SPIDR: variants seen among roughly 807,000 people sequenced by gnomAD.
The protein encoded by SPIDR is DNA repair-scaffolding protein.
In SPIDR, 93 loss-of-function variants were observed where a neutral mutation model predicts 104.6. The observed-to-expected ratio is 0.89, with a 90% CI of 0.75 to 1.06. SPIDR has a LOEUF of 1.06. SPIDR is among the 50% of genes least tolerant of loss of function. The pLI is 0.00. For synonymous variants in SPIDR, 431 were observed against 416.9 expected (o/e 1.03, Z -0.41); for missense variants, 1,154 against 1,111.2 (o/e 1.04, Z -0.55).
chr8:47,264,359 G>A (rs1017806887), intron 1 of SPIDR, among the ~76,000 whole-genome samples: 8 of 152,184 alleles, frequency 5.3e-5, no homozygotes, highest in South Asian at 4.2e-4. Flanking sequence ...ACTGATGTTA[G>A]GATATATAGA....
At chr8:47,688,218 C>T (rs1440542115) in intron 11 of SPIDR, among the ~76,000 whole-genome samples, 1 of 152,164 alleles carries the variant, frequency 6.6e-6, no homozygotes, top group African/African-American at 2.4e-5. Context: ...CAAGCCCCGC[C>T]TCCTGGATTC....
intron 10 of SPIDR, among the ~76,000 whole-genome samples, chr8:47,621,394 G>A (rs2065152151): frequency 6.6e-6 from 1 of 152,158 alleles, no homozygotes; most frequent in South Asian, 2.1e-4. Context: ...AATCATCTGG[G>A]CATGTCATGT....
chr8:47,581,699 C>T (rs1334496178), intron 8 of SPIDR, among the ~76,000 whole-genome samples: 1 of 152,028 alleles, frequency 6.6e-6, no homozygotes, highest in Non-Finnish European at 1.5e-5. Flanking sequence ...TTTCTGACAA[C>T]TTCAGTTCTC....
chr8:47,309,098 T>C (rs2043649524), intron 5 of SPIDR, among the ~76,000 whole-genome samples: 1 of 152,226 alleles, frequency 6.6e-6, no homozygotes, highest in African/African-American at 2.4e-5. Context: ...AAGTTACCTA[T>C]AGTTGAAAGA....
At chr8:47,595,132 T>C (rs1267703897) in intron 8 of SPIDR, among the ~76,000 whole-genome samples, 9 of 152,218 alleles carry the variant, frequency 5.9e-5, no homozygotes, top group Non-Finnish European at 1.2e-4. Flanking sequence ...TTACTTTACA[T>C]ATAATATCAG....
intron 8 of SPIDR, among the ~76,000 whole-genome samples, chr8:47,448,895 G>C (rs926185002): frequency 6.6e-6 from 1 of 152,172 alleles, no homozygotes; most frequent in Admixed American, 6.5e-5. Flanking sequence ...GTAGTGCTTT[G>C]TGTACGAAGT....
In SPIDR at chr8:47,504,254, C is replaced by T. The variant is rs563910029; in HGVS notation, c.1097+63712C>T. The stretch of plus-strand genomic sequence containing the variant: ...TTTTCCAGCTTGGTTCCATTCTCCT[C>T]GTCACTTTGAGGTACACCAGTCAGA... On this transcript the variant is annotated intron_variant, in intron 8 of 19. Coordinates refer to ENST00000297423, the MANE Select transcript of SPIDR (RefSeq NM_001080394.4). Among the ~76,000 whole-genome samples, 5 of 152,314 alleles carry T rather than the reference C, an allele frequency of 3.3e-5. No homozygotes were observed. The East Asian group carries it at 5.8e-4, about 18-fold the overall frequency.
At chr8:47,397,649 G>T (rs782591471) in intron 6 of SPIDR, among the ~76,000 whole-genome samples, 26 of 152,008 alleles carry the variant, frequency 1.7e-4, no homozygotes, top group Non-Finnish European at 3.2e-4. Context: ...GGATGATATT[G>T]TTACATCATA....
At chr8:47,678,508 G>A (rs971600846) in intron 11 of SPIDR, among the ~76,000 whole-genome samples, 1 of 152,210 alleles carries the variant, frequency 6.6e-6, no homozygotes, top group African/African-American at 2.4e-5. Flanking sequence ...CAGCATGGAA[G>A]CCAAGGGGAG....
chr8:47,693,914 C>A (rs2079007637), intron 11 of SPIDR, among the ~76,000 whole-genome samples: 1 of 152,212 alleles, frequency 6.6e-6, no homozygotes, highest in South Asian at 2.1e-4. Context: ...CGCTAAGAGC[C>A]CTTCTCAGAG....
chr8:47,712,907 C>T (rs1458575049), intron 15 of SPIDR, 35 bp downstream of exon 15: 3 of 1,611,836 alleles, frequency 1.9e-6, no homozygotes, highest in South Asian at 1.1e-5. Flanking sequence ...GATGCAGGGG[C>T]GACTGATCCG....
intron 10 of SPIDR, among the ~76,000 whole-genome samples, chr8:47,601,457 A>G (rs988364785): frequency 1.3e-5 from 2 of 152,198 alleles, no homozygotes; most frequent in Admixed American, 6.5e-5. Context: ...GCACTTTGGG[A>G]GGCCGAGGCG....
chr8:47,525,009 G>T lies in SPIDR; in HGVS notation c.1098-70802G>T, dbSNP rs185614869. On this transcript the variant is annotated intron_variant, in intron 8 of 19. Transcript: ENST00000297423. ...AAAGGCCACACTATGAATTAGGGATGACACACCCTGTTTTGAATTGGATTT... is the reference window on the plus strand; with the variant it reads ...AAAGGCCACACTATGAATTAGGGATTACACACCCTGTTTTGAATTGGATTT... Among the ~76,000 whole-genome samples, 8 of 152,320 alleles carry T rather than the reference G, an allele frequency of 5.3e-5. No individual in the cohort carries two copies. In the East Asian group the frequency reaches 1.5e-3, roughly 29 times the overall value.
intron 5 of SPIDR, among the ~76,000 whole-genome samples, chr8:47,356,989 T>C (rs2054679572): frequency 6.6e-6 from 1 of 152,078 alleles, no homozygotes; most frequent in South Asian, 2.1e-4. Context: ...GTGTCTCAAA[T>C]AAATTAAAAA....
chr8:47,313,101 G>A (rs1364987048), intron 5 of SPIDR, among the ~76,000 whole-genome samples: 1 of 152,122 alleles, frequency 6.6e-6, no homozygotes, highest in Non-Finnish European at 1.5e-5. Context: ...TATTCAATTA[G>A]GAAAAGAGGA....
At chr8:47,651,629 TA>T (rs1043347430) in intron 10 of SPIDR, among the ~76,000 whole-genome samples, 2 of 152,026 alleles carry the variant, frequency 1.3e-5, no homozygotes, top group Non-Finnish European at 2.9e-5. Context: ...AATCATTATA[TA>T]AAAAAAGACA....
chr8:47,672,968 C>G (rs1249977434), intron 10 of SPIDR, among the ~76,000 whole-genome samples: 1 of 152,234 alleles, frequency 6.6e-6, no homozygotes, highest in Non-Finnish European at 1.5e-5. Flanking sequence ...GCACTTAAGG[C>G]TCCTGGCTTC....
intron 5 of SPIDR, among the ~76,000 whole-genome samples, chr8:47,333,519 G>A (rs1384924965): frequency 1.3e-5 from 2 of 151,894 alleles, no homozygotes; most frequent in Non-Finnish European, 2.9e-5. Flanking sequence ...GGCCAGGCTG[G>A]TCTCAAACTC....
intron 8 of SPIDR, among the ~76,000 whole-genome samples, chr8:47,550,763 TTTC>T (rs1258219285): frequency 3.3e-5 from 5 of 152,198 alleles, no homozygotes; most frequent in Non-Finnish European, 7.3e-5. Flanking sequence ...CCTTTATTTC[TTTC>T]TCTTTCCTGA....
Sources: gnomAD v4.1 joint callset for allele counts (sites outside exome capture counted in the v4.1 genomes callset) on GRCh38, gnomAD v4.1.1 for gene constraint, MANE v1.5 for transcripts, NCBI Gene and HGNC (gene_info 2026-07-23, HGNC 2026-07-21) for gene names.